Variants in FAM133B observed in about 807,000 individuals in gnomAD.
The protein encoded by FAM133B is family with sequence similarity 133 member B, also known as protein FAM133B.
In FAM133B, 25 loss-of-function variants were observed where a neutral mutation model predicts 46.4. The ratio of observed to expected loss-of-function variants is 0.54; its 90% CI spans 0.39 to 0.75. The LOEUF is 0.75. Ranked by LOEUF, FAM133B falls within the 30% of genes least tolerant of loss-of-function variation. The probability of loss-of-function intolerance (pLI) is 0.00; values close to 1 mark genes in which losing one functional copy is unlikely to be tolerated. For synonymous variants in FAM133B, 75 were observed against 86.0 expected (o/e 0.87, Z 0.71); for missense variants, 205 against 277.6 (o/e 0.74, Z 1.86).
rs532440276 is a variant in FAM133B at position 92,590,086 on chromosome 7, C to T, written c.24+182G>A. On this transcript the variant is annotated intron_variant, in intron 1 of 10. Coordinates refer to ENST00000445716, the MANE Select transcript of FAM133B (RefSeq NM_152789.4). The stretch of plus-strand genomic sequence containing the variant: ...GGCGGGCAAGAGAGAGCTGGGAACC[C>T]TAAAGCGCCAACTGCGTGCGCGGCG... 4.7e-5 allele frequency: 37 copies of T among 789,558 alleles called. 1 individual carries two copies. In the South Asian group the frequency reaches 6.3e-4, roughly 13 times the overall value. 48.9% of individuals were successfully genotyped at this position (789,558 alleles called of 1,614,324 possible).
intron 1 of FAM133B, among the ~76,000 whole-genome samples, chr7:92,587,844 A>C (rs1795080681): frequency 6.6e-6 from 1 of 152,228 alleles, no homozygotes; most frequent in African/African-American, 2.4e-5. Flanking sequence ...ATGTAGGTTC[A>C]TCAATTTTAA....
At chr7:92,573,148 A>G (rs1794586084) in intron 8 of FAM133B, among the ~76,000 whole-genome samples, 2 of 151,570 alleles carry the variant, frequency 1.3e-5, no homozygotes, top group South Asian at 4.2e-4. Context: ...AAAGGAAAAA[A>G]TGATAGTTTG....
At chr7:92,564,772 C>T (rs528383785) in intron 10 of FAM133B, among the ~76,000 whole-genome samples, 1 of 152,174 alleles carries the variant, frequency 6.6e-6, no homozygotes, top group East Asian at 1.9e-4. Context: ...CCCTAAATTA[C>T]TTTGCTGATA....
intron 9 of FAM133B, 26 bp downstream of exon 9, chr7:92,569,797 G>A: frequency 8.6e-7 from 1 of 1,164,346 alleles, no homozygotes; most frequent in Non-Finnish European, 1.2e-6. Context: ...TTAAAATAGA[G>A]AAAATGGATT....
chr7:92,565,275 C>T (rs1033747793), intron 10 of FAM133B, among the ~76,000 whole-genome samples: 16 of 150,932 alleles, frequency 1.1e-4, no homozygotes, highest in Admixed American at 6.6e-4. Context: ...CTCAGCCTCC[C>T]GAATAGCTGG....
intron 1 of FAM133B, 54 bp from the exon 2 acceptor site, chr7:92,581,657 C>T: frequency 7.3e-7 from 1 of 1,374,620 alleles, no homozygotes; most frequent in South Asian, 1.2e-5. Flanking sequence ...ACATGCAAAA[C>T]CTCACTTACT....
intron 7 of FAM133B, 77 bp from the exon 8 acceptor site, chr7:92,575,898 A>C: frequency 3.4e-6 from 2 of 595,046 alleles, no homozygotes; most frequent in Admixed American, 3.4e-5. Flanking sequence ...AACACCCAAA[A>C]AGTGATTTGC....
Position 92,578,355 on chromosome 7 carries a change from C to T in FAM133B, c.240G>A (p.Leu80=), listed in dbSNP as rs766796874. 31 of 1,613,444 alleles carry T rather than the reference C, an allele frequency of 1.9e-5. No homozygotes were observed. The Admixed American group carries it at 2.7e-4, about 14-fold the overall frequency. The part of the protein sequence containing the change: ...KKELEKHREK[L]LSGSESSSKK... ...TGGATGAGCTCTCACTTCCACTTAA[C>T]AATTTCTCCCTGTGTTTTTCCAGTT... The change falls in exon 4 of 11, where the codon TTG becomes TTA. Residue 80 remains leucine (L), a synonymous_variant. Coordinates refer to ENST00000445716, the MANE Select transcript of FAM133B (RefSeq NM_152789.4).
intron 10 of FAM133B, among the ~76,000 whole-genome samples, chr7:92,563,323 T>C (rs1218172489): frequency 2.6e-5 from 4 of 152,326 alleles, no homozygotes; most frequent in African/African-American, 9.6e-5. Flanking sequence ...TAGGGAATAT[T>C]ACAGAGTCCA....
intron 1 of FAM133B, among the ~76,000 whole-genome samples, chr7:92,583,847 G>A (rs908471358): frequency 2.6e-4 from 40 of 151,696 alleles, no homozygotes; most frequent in African/African-American, 8.7e-4. Flanking sequence ...TCAGGAGTTC[G>A]AGATCAGCCT....
intron 6 of FAM133B, 179 bp from the exon 7 acceptor site, chr7:92,577,374 T>C (rs906808786): frequency 4.3e-6 from 2 of 464,670 alleles, no homozygotes; most frequent in Admixed American, 4.0e-5. Context: ...TTGAATCACA[T>C]GTAATGCCTA....
At chr7:92,571,453 G>C (rs1369550733) in intron 8 of FAM133B, among the ~76,000 whole-genome samples, 1 of 152,130 alleles carries the variant, frequency 6.6e-6, no homozygotes, top group Admixed American at 6.6e-5. Flanking sequence ...TTTGTTCACA[G>C]TTTAATTTTT....
At chr7:92,568,557 G>C (rs1794437044) in intron 9 of FAM133B, among the ~76,000 whole-genome samples, 1 of 142,186 alleles carries the variant, frequency 7.0e-6, no homozygotes, top group African/African-American at 2.7e-5. Context: ...TAGCAGAGAT[G>C]GAGTTTCACC....
intron 7 of FAM133B, among the ~76,000 whole-genome samples, chr7:92,576,375 C>T (rs1398082945): frequency 6.7e-6 from 1 of 148,934 alleles, no homozygotes; most frequent in Non-Finnish European, 1.5e-5. Context: ...AGCTCTTCTG[C>T]TTTAAAAGAC....
intron 3 of FAM133B, 27 bp downstream of exon 3, chr7:92,579,290 T>C: frequency 6.3e-7 from 1 of 1,592,862 alleles, no homozygotes; most frequent in Non-Finnish European, 8.6e-7. Flanking sequence ...AATTAGTCTA[T>C]TTTTTTAACA....
At chr7:92,577,062 A>G (rs1794722529) in intron 7 of FAM133B, 41 bp downstream of exon 7, 2 of 1,232,354 alleles carry the variant, frequency 1.6e-6, no homozygotes, top group South Asian at 3.7e-5. Context: ...ACTTAATTAA[A>G]TGTCTTTGTA....
At position 92,562,291 on chromosome 7, in the gene FAM133B, G is replaced by A. The variant is rs1794181854; in HGVS notation, c.735C>T (p.Asp245=). 6.5e-7 allele frequency: 1 copy of A among 1,533,348 alleles called. No homozygotes were observed. Among genetic ancestry groups the A allele is most frequent in the Non-Finnish European group, 8.7e-7 (1 of 1,146,000 alleles). The allele number at this position is 1,533,348 out of a possible 1,614,324, so 95.0% of individuals were successfully genotyped here. A position where few individuals can be genotyped will look rare whatever the true frequency, so the allele number is the denominator to read the frequency against. Residue 245 remains aspartate, a synonymous_variant, in exon 11 of 11, where the codon GAC becomes GAT. Transcript: ENST00000445716. ...CTGATTTTTCTTAATGTTATGGTGAGTCAGGACTTGAACTAGCAGCCTTCT... is the reference window on the plus strand; with the variant it reads ...CTGATTTTTCTTAATGTTATGGTGAATCAGGACTTGAACTAGCAGCCTTCT... ...KKKKAASSSP[D]SP
At chr7:92,587,714 A>G (rs1336318418) in intron 1 of FAM133B, among the ~76,000 whole-genome samples, 1 of 152,216 alleles carries the variant, frequency 6.6e-6, no homozygotes, top group African/African-American at 2.4e-5. Context: ...AGCTTGGGCA[A>G]GAGTGAGATA....
chr7:92,575,700 CATT>C (rs1794672178), intron 8 of FAM133B, 68 bp downstream of exon 8: 2 of 722,388 alleles, frequency 2.8e-6, no homozygotes, highest in South Asian at 2.0e-5. Context: ...AAGAGATACA[CATT>C]ATTGTTATTT....
Sources: gnomAD v4.1 joint callset for allele counts (sites outside exome capture counted in the v4.1 genomes callset) on GRCh38, gnomAD v4.1.1 for gene constraint, MANE v1.5 for transcripts, NCBI Gene and HGNC (gene_info 2026-07-23, HGNC 2026-07-21) for gene names.